Variants in RALGDS observed in about 807,000 individuals in gnomAD.
RALGDS encodes the protein ral guanine nucleotide exchange factor.
Under a neutral mutation model 99.8 loss-of-function variants are expected in RALGDS, and 44 were observed. The observed-to-expected ratio is 0.44, with a 90% CI of 0.35 to 0.57. The LOEUF (loss-of-function observed/expected upper bound fraction) is 0.57, where lower values mean the gene tolerates loss of function less well. RALGDS is among the 20% of genes least tolerant of loss of function. RALGDS has a pLI of 0.01. For synonymous variants in RALGDS, 529 were observed against 505.0 expected, an observed-to-expected ratio of 1.05 and a Z score of -0.64; for missense variants, 1,022 against 1,203.1, an observed-to-expected ratio of 0.85 and a Z score of 2.23.
rs1253665363 is a variant in RALGDS, at chr9:133,105,544, G to A, written c.1602+388C>T. On this transcript the variant is annotated intron_variant, in intron 9 of 17. Transcript: ENST00000372050. ...GGTGTGTAGAGCAGACAGAGGTAGC[G>A]TCAGGAGCCTGGCCTCCCGGGGACA... is the stretch of plus-strand genomic sequence containing the variant. Among the ~76,000 whole-genome samples the A allele has an allele frequency of 5.3e-5, 8 of 152,090 alleles. No individual in the cohort carries two copies. In the South Asian group the frequency reaches 8.3e-4, roughly 16 times the overall value.
intron 1 of RALGDS, among the ~76,000 whole-genome samples, chr9:133,140,436 C>T (rs76526420): frequency 7.2e-5 from 11 of 152,228 alleles, no homozygotes; most frequent in East Asian, 3.9e-4. Flanking sequence ...CTTCCTCCCT[C>T]GGAACACAAA....
chr9:133,131,990 C>T (rs1211095508), upstream of RALGDS, among the ~76,000 whole-genome samples: 2 of 152,198 alleles, frequency 1.3e-5, no homozygotes, highest in Non-Finnish European at 2.9e-5. Flanking sequence ...ATGCCTGCCC[C>T]GGTGCCAGGC....
upstream of RALGDS, among the ~76,000 whole-genome samples, chr9:133,135,794 CA>C (rs1832415937): frequency 6.6e-6 from 1 of 152,206 alleles, no homozygotes; most frequent in Admixed American, 6.5e-5. Context: ...GGATGGGAAG[CA>C]CTCAAGATAG....
intron 2 of RALGDS, among the ~76,000 whole-genome samples, chr9:133,111,358 G>A (rs1452590312): frequency 6.6e-6 from 1 of 151,976 alleles, no homozygotes; most frequent in East Asian, 1.9e-4. Context: ...TCGGCTCACT[G>A]CAACCTCAGC....
At position 133,110,227 on chromosome 9, in the gene RALGDS, A is replaced by T. The variant is rs999570867; in HGVS notation, c.488+69T>A. 6 of 1,484,704 alleles carry T rather than the reference A, an allele frequency of 4.0e-6. No individual in the cohort carries two copies. The African/African-American group carries it at 5.5e-5, about 14-fold the overall frequency. The allele number at this position is 1,484,704 out of a possible 1,614,324, so 92.0% of individuals were successfully genotyped here. A position where few individuals can be genotyped will look rare whatever the true frequency, so the allele number is the denominator to read the frequency against. ...AGAGAGGTGAATCAGCATTGCCAAG[A>T]CCCGCAGCCAGGTGGGGGTGGGGGC... is the stretch of plus-strand genomic sequence containing the variant. On this transcript the variant is annotated intron_variant, in intron 3 of 17. Coordinates refer to ENST00000372050, the MANE Select transcript of RALGDS (RefSeq NM_006266.4).
chr9:133,098,072 GA>G lies in RALGDS; in HGVS notation c.*514del, dbSNP rs1387801002. The stretch of plus-strand genomic sequence containing the variant: ...GAGGGCTGGGGTAAGCGGTGGGTGA[GA>G]CTCCCTCACTCTCAGTTGGCCCTGA... On this transcript the variant is annotated 3_prime_UTR_variant, in exon 18 of 18. Transcript: ENST00000372050. The G allele has an allele frequency of 3.9e-6, 1 of 259,284 alleles. No homozygotes were observed. Among genetic ancestry groups the G allele is most frequent in the East Asian group, 5.6e-5 (1 of 17,968 alleles). The allele number at this position is 259,284 out of a possible 1,614,324, so 16.1% of individuals were successfully genotyped here.
chr9:133,117,768 G>A (rs1588546060), intron 1 of RALGDS, among the ~76,000 whole-genome samples: 1 of 152,344 alleles, frequency 6.6e-6, no homozygotes, highest in East Asian at 1.9e-4. Context: ...CACGCCATGG[G>A]AGCCATCTGG....
Position 133,101,522 on chromosome 9 carries a change from G to C in RALGDS, c.2452C>G (p.Leu818Val). 1.2e-6 allele frequency: 2 copies of C among 1,611,928 alleles called. No homozygotes were observed. Among genetic ancestry groups the C allele is most frequent in the East Asian group, 2.2e-5 (1 of 44,882 alleles). The change falls in exon 16 of 18, where the codon CTG becomes GTG. Residue 818 changes from leucine (L) to valine (V), a missense_variant and splice_region_variant. Leu to Val is a conservative substitution (Grantham distance 32). This residue lies in a region of RALGDS where 825 missense variants were observed against 994.5 expected (regional missense o/e 0.83). Transcript: ENST00000372050. ...CCAGGCCACCCCCGCCGGCTTACCA[G>C]GATGCTCTTGTACATGTTGCCATTG... Reference protein sequence around the residue: ...VDNGNMYKSILVTSQDKAPAV... With the variant: ...VDNGNMYKSIVVTSQDKAPAV...
At chr9:133,137,764 C>T (rs564740594) in intron 1 of RALGDS, among the ~76,000 whole-genome samples, 54 of 152,332 alleles carry the variant, frequency 3.5e-4, no homozygotes, top group Non-Finnish European at 7.2e-4. Context: ...CCTGGTTTAA[C>T]CTAGGGGGTT....
At chr9:133,110,709 T>C (rs1416959222) in intron 2 of RALGDS, among the ~76,000 whole-genome samples, 4 of 152,158 alleles carry the variant, frequency 2.6e-5, no homozygotes, top group African/African-American at 9.7e-5. Context: ...GAGCATCACT[T>C]GAAGCCAAGA....
At chr9:133,116,967 G>A (rs950040243) in intron 1 of RALGDS, among the ~76,000 whole-genome samples, 1 of 152,240 alleles carries the variant, frequency 6.6e-6, no homozygotes, top group Non-Finnish European at 1.5e-5. Context: ...CAGCAAATTC[G>A]CAGGGGAGGG....
At chr9:133,117,410 C>T (rs118119692) in intron 1 of RALGDS, among the ~76,000 whole-genome samples, 4,058 of 152,338 alleles carry the variant, frequency 0.027, 89 homozygotes, top group Non-Finnish European at 0.038. Context: ...ACAAAAGTCT[C>T]CAGGAATGAC....
chr9:133,115,320 G>T (rs530568740), intron 1 of RALGDS, among the ~76,000 whole-genome samples: 2 of 152,318 alleles, frequency 1.3e-5, no homozygotes, highest in South Asian at 4.1e-4. Context: ...GGGCTGAAGC[G>T]GAGTGAGGAG....
At chr9:133,102,973 G>C in intron 12 of RALGDS, 73 bp from the exon 13 acceptor site, 1 of 1,591,670 alleles carries the variant, frequency 6.3e-7, no homozygotes, top group Middle Eastern at 1.8e-4. Context: ...CTGGGTCTTT[G>C]TTCTTGGGGT....
At chr9:133,100,555 T>C (rs1371407202) in intron 16 of RALGDS, 173 bp from the exon 17 acceptor site, 46 of 1,482,260 alleles carry the variant, frequency 3.1e-5, no homozygotes, top group Non-Finnish European at 3.9e-5. Flanking sequence ...ACTCCCCAAG[T>C]GAGGCCTCCG....
intron 1 of RALGDS, among the ~76,000 whole-genome samples, chr9:133,137,735 G>T (rs1482512330): frequency 6.6e-6 from 1 of 152,226 alleles, no homozygotes; most frequent in East Asian, 1.9e-4. Flanking sequence ...TGGAGGCGGT[G>T]GTAGGTGGTC....
rs1445278565 is a variant in RALGDS at position 133,101,925 on chromosome 9, G to A, written c.2211+13C>T. ...GATGGGAAAGGATATTGGGGAGAAGGGCAGGCAGTCACCTTCTTTTCCTGG... is the reference window on the plus strand; with the variant it reads ...GATGGGAAAGGATATTGGGGAGAAGAGCAGGCAGTCACCTTCTTTTCCTGG... On this transcript the variant is annotated intron_variant, in intron 15 of 17. Transcript: ENST00000372050. 2.6e-6 allele frequency: 4 copies of A among 1,550,990 alleles called. No homozygotes were observed. The South Asian group carries it at 3.6e-5, about 14-fold the overall frequency.
At chr9:133,103,924 G>A in intron 10 of RALGDS, 91 bp from the exon 11 acceptor site, 2 of 1,237,538 alleles carry the variant, frequency 1.6e-6, no homozygotes, top group Non-Finnish European at 2.4e-6. Flanking sequence ...GGAACAGCTG[G>A]GGGACCTCTG....
chr9:133,124,017 TAC>T (rs1413568622), upstream of RALGDS, among the ~76,000 whole-genome samples: 9 of 68,336 alleles, frequency 1.3e-4, 2 homozygotes, highest in Non-Finnish European at 2.0e-4. Context: ...GACACAAAGA[TAC>T]ACAGAGATGC....
Sources: gnomAD v4.1 joint callset for allele counts (sites outside exome capture counted in the v4.1 genomes callset) on GRCh38, gnomAD v4.1.1 for gene constraint, gnomAD v4.1.1 regional missense constraint, MANE v1.5 for transcripts, NCBI Gene and HGNC (gene_info 2026-07-23, HGNC 2026-07-21) for gene names.